The following CWC27 variants were observed in gnomAD, a reference collection of about 807,000 sequenced individuals.
CWC27 encodes CWC27 spliceosome associated cyclophilin.
In CWC27, 47 loss-of-function variants were observed where a neutral mutation model predicts 63.6. The observed-to-expected ratio is 0.74, with a 90% CI of 0.58 to 0.94. The LOEUF is 0.94. Among genes scored for constraint, CWC27 ranks in the 40% least tolerant of loss-of-function variants. CWC27 has a pLI of 0.00. For synonymous variants in CWC27, 175 were observed against 179.8 expected (o/e 0.97, Z 0.22); for missense variants, 495 against 554.3 (o/e 0.89, Z 1.07).
intron 10 of CWC27, among the ~76,000 whole-genome samples, chr5:64,848,974 A>C (rs1746060908): frequency 2.0e-5 from 3 of 152,174 alleles, no homozygotes; most frequent in African/African-American, 7.2e-5. Flanking sequence ...ATAGCACTAG[A>C]ATTCCTTTCC....
intron 10 of CWC27, among the ~76,000 whole-genome samples, chr5:64,852,541 G>A (rs11743205): frequency 0.35 from 53,316 of 151,168 alleles, 9,852 homozygotes; most frequent in East Asian, 0.51. Context: ...GCGTGATCTC[G>A]GCACACTGCA....
chr5:65,015,141 G>T (rs1382945532), intron 13 of CWC27, among the ~76,000 whole-genome samples: 1 of 152,078 alleles, frequency 6.6e-6, no homozygotes, highest in Non-Finnish European at 1.5e-5. Flanking sequence ...CATGTGTCTA[G>T]AGTTCATTTT....
chr5:64,885,385 C>T (rs1747043431), intron 10 of CWC27, 58 bp from the exon 11 acceptor site: 1 of 1,229,604 alleles, frequency 8.1e-7, no homozygotes. Context: ...TCTGTTTTTG[C>T]TAAACAACTT....
intron 6 of CWC27, 38 bp from the exon 7 acceptor site, chr5:64,788,913 C>G: frequency 7.2e-7 from 1 of 1,379,804 alleles, no homozygotes; most frequent in Non-Finnish European, 9.9e-7. Flanking sequence ...ATTTGACTTT[C>G]TCTTTCTTTT....
intron 7 of CWC27, among the ~76,000 whole-genome samples, chr5:64,797,366 C>T (rs1744312685): frequency 6.6e-6 from 1 of 152,080 alleles, no homozygotes; most frequent in Admixed American, 6.6e-5. Flanking sequence ...GGATTGTCTC[C>T]TAATTTCTTC....
chr5:64,904,351 G>T (rs984458359), intron 11 of CWC27, among the ~76,000 whole-genome samples: 3 of 152,180 alleles, frequency 2.0e-5, no homozygotes, highest in Non-Finnish European at 4.4e-5. Context: ...GAACAACTTA[G>T]CTGAGAAGTT....
chr5:64,796,002 C>CGT (rs56699605), intron 7 of CWC27, among the ~76,000 whole-genome samples: 22,521 of 135,708 alleles, frequency 0.17, 1,931 homozygotes, highest in East Asian at 0.4. Flanking sequence ...AGAAATTGTG[C>CGT]GTGTGTGTGT....
intron 11 of CWC27, among the ~76,000 whole-genome samples, chr5:64,934,447 G>A (rs979267366): frequency 6.6e-6 from 1 of 152,154 alleles, no homozygotes; most frequent in Non-Finnish European, 1.5e-5. Flanking sequence ...CTTTTCTATG[G>A]CTGCATAGTA....
At chr5:64,789,081 C>T in intron 7 of CWC27, 61 bp downstream of exon 7, 1 of 1,153,258 alleles carries the variant, frequency 8.7e-7, no homozygotes, top group Non-Finnish European at 1.3e-6. Flanking sequence ...ATATCTTACT[C>T]ACTATTGTAT....
At chr5:64,782,071 G>A in intron 3 of CWC27, 38 bp downstream of exon 3, 1 of 1,077,424 alleles carries the variant, frequency 9.3e-7, no homozygotes, top group Non-Finnish European at 1.3e-6. Context: ...TATTTTTGTT[G>A]TTATTATTAT....
At chr5:64,783,037 G>T (rs1279124581) in intron 3 of CWC27, among the ~76,000 whole-genome samples, 10 of 152,036 alleles carry the variant, frequency 6.6e-5, no homozygotes, top group Non-Finnish European at 1.5e-4. Flanking sequence ...CAGTTATCTT[G>T]TTACATTTTT....
intron 11 of CWC27, among the ~76,000 whole-genome samples, chr5:64,953,996 T>C (rs1397494117): frequency 6.6e-6 from 1 of 152,226 alleles, no homozygotes; most frequent in Non-Finnish European, 1.5e-5. Flanking sequence ...AAAAATTCCT[T>C]TCCTTTTTTT....
At position 64,977,222 on chromosome 5, in the gene CWC27, G is replaced by A; in HGVS notation, c.1240G>A (p.Glu414Lys). 6.2e-7 allele frequency: 1 copy of A among 1,608,038 alleles called. No individual in the cohort carries two copies. Among genetic ancestry groups the A allele is most frequent in the Non-Finnish European group, 8.5e-7 (1 of 1,175,328 alleles). ...PENDIPETEV[E>K]DDEGWMSHVL... ...AAATGACATTCCTGAAACAGAAGTA[G>A]AAGATGATGAAGGATGGTAAGGGCT... The change falls in exon 13 of 14, where the codon GAA becomes AAA. Residue 414 changes from glutamate (E) to lysine (K), a missense_variant. Physicochemically the swap from Glu to Lys is moderately conservative, Grantham distance 56 (BLOSUM62 1). Coordinates refer to ENST00000381070, the MANE Select transcript of CWC27 (RefSeq NM_005869.4).
At chr5:64,879,447 G>A (rs1746883890) in intron 10 of CWC27, among the ~76,000 whole-genome samples, 1 of 151,890 alleles carries the variant, frequency 6.6e-6, no homozygotes, top group Admixed American at 6.6e-5. Flanking sequence ...AAAGAAGGTT[G>A]AGAAGCATCT....
At chr5:64,834,308 C>T (rs1745601682) in intron 10 of CWC27, among the ~76,000 whole-genome samples, 1 of 151,598 alleles carries the variant, frequency 6.6e-6, no homozygotes, top group Non-Finnish European at 1.5e-5. Flanking sequence ...CTCTGTAAAG[C>T]TCTGATATTA....
intron 11 of CWC27, among the ~76,000 whole-genome samples, chr5:64,937,921 CTTTT>C (rs1211082437): frequency 5.0e-5 from 5 of 99,300 alleles, no homozygotes; most frequent in East Asian, 2.8e-4. Context: ...GCAATCTCTG[CTTTT>C]TTTTTTTTTT....
At chr5:64,833,666 A>T (rs1745586880) in intron 10 of CWC27, among the ~76,000 whole-genome samples, 2 of 151,742 alleles carry the variant, frequency 1.3e-5, no homozygotes, top group African/African-American at 4.8e-5. Context: ...TAACTCAGGG[A>T]CATACTCAAA....
rs140996097 is a variant in CWC27, at chr5:64,787,284, G to C, written c.599+657G>C. On this transcript the variant is annotated intron_variant, in intron 6 of 13. Coordinates refer to ENST00000381070, the MANE Select transcript of CWC27 (RefSeq NM_005869.4). ...TGAGCAACTCTTGTATTCAGGTGCAGTATATCTTAAACTTAAGCTACAAAC... is the reference window on the plus strand; with the variant it reads ...TGAGCAACTCTTGTATTCAGGTGCACTATATCTTAAACTTAAGCTACAAAC... Among the ~76,000 whole-genome samples, 638 of 152,210 alleles carry C rather than the reference G, an allele frequency of 4.2e-3. 7 individuals are homozygous for C. The highest frequency in any genetic ancestry group is 0.014 in the African/African-American group (573 of 41,544).
intron 11 of CWC27, among the ~76,000 whole-genome samples, chr5:64,914,129 G>A (rs1249781439): frequency 6.6e-6 from 1 of 152,078 alleles, no homozygotes; most frequent in Non-Finnish European, 1.5e-5. Flanking sequence ...AAAAATACTT[G>A]ACTTTTAACT....
Sources: gnomAD v4.1 joint callset for allele counts (sites outside exome capture counted in the v4.1 genomes callset) on GRCh38, gnomAD v4.1.1 for gene constraint, MANE v1.5 for transcripts, NCBI Gene and HGNC (gene_info 2026-07-23, HGNC 2026-07-21) for gene names.